The following SCML4 variants were observed in gnomAD, a reference collection of about 807,000 sequenced individuals.
The protein encoded by SCML4 is sex comb on midleg-like protein 4.
SCML4 carries 34 observed loss-of-function variants against 41.1 expected under a neutral mutation model. That is an observed-to-expected ratio of 0.83 (90% CI 0.63 to 1.10). SCML4 has a LOEUF of 1.10. SCML4 is among the 50% of genes least tolerant of loss of function. The pLI is 0.00. For synonymous variants in SCML4, 214 were observed against 220.9 expected, an observed-to-expected ratio of 0.97 and a Z score of 0.28; for missense variants, 522 against 534.1, an observed-to-expected ratio of 0.98 and a Z score of 0.22.
intron 5 of SCML4, chr6:107,744,147 A>T (rs1777843410): frequency 6.6e-6 from 1 of 152,174 alleles, no homozygotes; most frequent in Non-Finnish European, 1.5e-5. Flanking sequence ...TCAGAGAAAG[A>T]AAAAAAGCAA....
chr6:107,760,110 T>G (rs1051317382), intron 2 of SCML4, among the ~76,000 whole-genome samples: 3 of 152,318 alleles, frequency 2.0e-5, no homozygotes, highest in East Asian at 3.9e-4. Context: ...TTAAAGAATT[T>G]GAGTCAAAAC....
At chr6:107,771,103 A>G (rs889423445) in intron 2 of SCML4, among the ~76,000 whole-genome samples, 2 of 152,206 alleles carry the variant, frequency 1.3e-5, no homozygotes, top group Non-Finnish European at 2.9e-5. Context: ...CTTTTACTAA[A>G]ACCAATGACC....
intron 5 of SCML4, among the ~76,000 whole-genome samples, chr6:107,732,651 T>C (rs1337289004): frequency 6.6e-6 from 1 of 152,150 alleles, no homozygotes; most frequent in Non-Finnish European, 1.5e-5. Context: ...GAATGGCCTT[T>C]CTGTGCTCTC....
chr6:107,734,707 A>G (rs1583443156), intron 5 of SCML4, among the ~76,000 whole-genome samples: 1 of 152,294 alleles, frequency 6.6e-6, no homozygotes, highest in East Asian at 1.9e-4. Context: ...ACATAGGCAC[A>G]TGGGGAGAAT....
chr6:107,735,499 C>T (rs1371783494), intron 5 of SCML4, among the ~76,000 whole-genome samples: 1 of 151,782 alleles, frequency 6.6e-6, no homozygotes, highest in Non-Finnish European at 1.5e-5. Flanking sequence ...TGGTAAAACA[C>T]ATATCACATA....
chr6:107,734,105 C>G (rs1250171820), intron 5 of SCML4, among the ~76,000 whole-genome samples: 2 of 152,076 alleles, frequency 1.3e-5, no homozygotes. Context: ...CTGGGGTCAG[C>G]CTTCTAGGAA....
upstream of SCML4, among the ~76,000 whole-genome samples, chr6:107,829,206 T>A (rs188859013): frequency 1.3e-5 from 2 of 151,968 alleles, no homozygotes; most frequent in African/African-American, 2.4e-5. Context: ...ATGGGAGACC[T>A]TGTCTCTACA....
rs1049966812 is a variant in SCML4 at position 107,705,290 on chromosome 6, A to G, written c.1155T>C (p.Ser385=). ...IDGNALLLLK[S]DMVMKYLGLK... is the part of the protein sequence containing the mutation. ...GGCCCAGGTACTTCATGACCATGTC[A>G]CTCTTCAGCAACAGCAGAGCGTTGC... Residue 385 remains serine, a synonymous_variant, in exon 8 of 8, where the codon AGT becomes AGC. Transcript: ENST00000369020. 1 of 1,551,658 alleles carries G rather than the reference A, an allele frequency of 6.4e-7. No homozygotes were observed. Among genetic ancestry groups the G allele is most frequent in the Non-Finnish European group, 8.7e-7 (1 of 1,146,772 alleles).
intron 2 of SCML4, among the ~76,000 whole-genome samples, chr6:107,757,712 A>G (rs1414319416): frequency 6.6e-6 from 1 of 152,224 alleles, no homozygotes; most frequent in African/African-American, 2.4e-5. Flanking sequence ...CATAATGCAA[A>G]GTGAGAACTC....
At chr6:107,706,929 T>C (rs1186608551) in intron 7 of SCML4, among the ~76,000 whole-genome samples, 1 of 152,194 alleles carries the variant, frequency 6.6e-6, no homozygotes, top group African/African-American at 2.4e-5. Flanking sequence ...GCAGCCTTGC[T>C]GGCTGAGCCC....
chr6:107,806,417 A>G (rs1783734620), intron 1 of SCML4, among the ~76,000 whole-genome samples: 1 of 152,172 alleles, frequency 6.6e-6, no homozygotes, highest in Admixed American at 6.5e-5. Context: ...CTCGATGCTT[A>G]ATAATTATGT....
At chr6:107,779,957 A>G (rs958632470) in intron 1 of SCML4, among the ~76,000 whole-genome samples, 1 of 152,234 alleles carries the variant, frequency 6.6e-6, no homozygotes, top group Non-Finnish European at 1.5e-5. Context: ...GATGGCTTAT[A>G]CAGTTTTCCC....
chr6:107,774,215 T>C (rs1780739035), intron 1 of SCML4, among the ~76,000 whole-genome samples: 1 of 152,188 alleles, frequency 6.6e-6, no homozygotes, highest in Non-Finnish European at 1.5e-5. Flanking sequence ...CTCGGTCTCA[T>C]TGATTCTAAG....
chr6:107,756,078 T>C (rs1027285443), intron 2 of SCML4, among the ~76,000 whole-genome samples: 5 of 151,964 alleles, frequency 3.3e-5, no homozygotes, highest in African/African-American at 9.7e-5. Flanking sequence ...AACAAACAAC[T>C]CTCCCATGCA....
intron 5 of SCML4, among the ~76,000 whole-genome samples, chr6:107,730,825 T>TA (rs1415217593): frequency 6.6e-6 from 1 of 152,152 alleles, no homozygotes. Context: ...TAGAAGCATG[T>TA]AAACCCACTC....
At chr6:107,804,973 A>G (rs993268809) in intron 1 of SCML4, among the ~76,000 whole-genome samples, 1 of 152,158 alleles carries the variant, frequency 6.6e-6, no homozygotes, top group African/African-American at 2.4e-5. Context: ...CTGTCTCAAA[A>G]CTAAACAAAT....
chr6:107,821,589 C>G (rs1303514475), intron 1 of SCML4, among the ~76,000 whole-genome samples: 1 of 152,182 alleles, frequency 6.6e-6, no homozygotes, highest in African/African-American at 2.4e-5. Context: ...CCCATTCCAT[C>G]CCCACATAAA....
chr6:107,812,828 C>G (rs1366024515), intron 1 of SCML4, among the ~76,000 whole-genome samples: 1 of 151,232 alleles, frequency 6.6e-6, no homozygotes, highest in Non-Finnish European at 1.5e-5. Context: ...TTCTCGGCCT[C>G]CATAATCATT....
At chr6:107,800,896 A>C (rs948815519) in intron 1 of SCML4, among the ~76,000 whole-genome samples, 3 of 152,218 alleles carry the variant, frequency 2.0e-5, no homozygotes, top group African/African-American at 7.2e-5. Flanking sequence ...AGAGGAGGAC[A>C]GTTATTTGAT....
Sources: gnomAD v4.1 joint callset for allele counts (sites outside exome capture counted in the v4.1 genomes callset) on GRCh38, gnomAD v4.1.1 for gene constraint, MANE v1.5 for transcripts, NCBI Gene and HGNC (gene_info 2026-07-23, HGNC 2026-07-21) for gene names.